PLPPR5: variants seen among roughly 807,000 people sequenced by gnomAD.
PLPPR5 encodes phospholipid phosphatase related 5.
PLPPR5 carries 16 observed loss-of-function variants against 33.9 expected under a neutral mutation model. The ratio of observed to expected loss-of-function variants is 0.47; its 90% confidence interval spans 0.32 to 0.72. The LOEUF is 0.72. PLPPR5 is among the 30% of genes least tolerant of loss of function. PLPPR5 has a pLI of 0.03. For synonymous variants in PLPPR5, 163 were observed against 150.3 expected, an observed-to-expected ratio of 1.08 and a Z score of -0.62; for missense variants, 301 against 406.7, an observed-to-expected ratio of 0.74 and a Z score of 2.23.
chr1:98,931,263 T>C (rs1384070079), intron 3 of PLPPR5, among the ~76,000 whole-genome samples: 2 of 151,784 alleles, frequency 1.3e-5, no homozygotes, highest in Non-Finnish European at 1.5e-5. Flanking sequence ...GCGCCTGGTA[T>C]GGTTCTTGGC....
intron 1 of PLPPR5, among the ~76,000 whole-genome samples, chr1:98,976,779 T>G (rs1413682704): frequency 6.6e-6 from 1 of 152,054 alleles, no homozygotes; most frequent in Non-Finnish European, 1.5e-5. Flanking sequence ...ATATATAGAG[T>G]TAGTAAAATA....
chr1:98,944,410 C>T (rs536804310), intron 3 of PLPPR5, among the ~76,000 whole-genome samples: 2 of 152,266 alleles, frequency 1.3e-5, no homozygotes, highest in African/African-American at 2.4e-5. Flanking sequence ...GATCCTAACT[C>T]GCAAAGTGAT....
intron 1 of PLPPR5, among the ~76,000 whole-genome samples, chr1:98,960,157 T>TC (rs1651178993): frequency 6.6e-6 from 1 of 151,836 alleles, no homozygotes; most frequent in Admixed American, 6.6e-5. Flanking sequence ...CCACCCAACT[T>TC]CCTGAGTTAA....
chr1:98,928,424 C>T (rs1390384550), intron 3 of PLPPR5, among the ~76,000 whole-genome samples: 1 of 150,758 alleles, frequency 6.6e-6, no homozygotes, highest in Non-Finnish European at 1.5e-5. Context: ...TGCAAACTAT[C>T]TTATTACTAA....
chr1:98,970,482 T>G (rs1052516322), intron 1 of PLPPR5, among the ~76,000 whole-genome samples: 2 of 151,942 alleles, frequency 1.3e-5, no homozygotes, highest in Non-Finnish European at 2.9e-5. Flanking sequence ...CAGATTATTA[T>G]TCCAAATGCC....
chr1:98,906,005 G>C (rs902014840), intron 5 of PLPPR5, among the ~76,000 whole-genome samples: 1 of 152,052 alleles, frequency 6.6e-6, no homozygotes, highest in African/African-American at 2.4e-5. Context: ...ACAAGTCTGA[G>C]ACCAGCATGC....
chr1:98,950,888 T>A (rs1254960394), intron 3 of PLPPR5, among the ~76,000 whole-genome samples: 1 of 152,026 alleles, frequency 6.6e-6, no homozygotes, highest in South Asian at 2.1e-4. Flanking sequence ...TCTCTCTTTT[T>A]TGTAAAGATG....
At chr1:98,990,513 A>C (rs956642349) in intron 1 of PLPPR5, among the ~76,000 whole-genome samples, 38 of 152,200 alleles carry the variant, frequency 2.5e-4, no homozygotes, top group African/African-American at 8.7e-4. Flanking sequence ...TAGTAATTAC[A>C]GAGGCAAAAT....
At chr1:98,946,470 C>T (rs1241044278) in intron 3 of PLPPR5, among the ~76,000 whole-genome samples, 1 of 152,178 alleles carries the variant, frequency 6.6e-6, no homozygotes, top group Admixed American at 6.5e-5. Context: ...TCCAAATGTA[C>T]ACCCTCGTGC....
chr1:98,951,069 G>A (rs111380287), intron 3 of PLPPR5, among the ~76,000 whole-genome samples: 1,969 of 152,162 alleles, frequency 0.013, 14 homozygotes, highest in Admixed American at 0.016. Context: ...GAGCATTCTG[G>A]AATTTGTCTC....
intron 1 of PLPPR5, among the ~76,000 whole-genome samples, chr1:98,969,996 T>C (rs2101246156): frequency 6.6e-6 from 1 of 152,176 alleles, no homozygotes; most frequent in South Asian, 2.1e-4. Context: ...AAATTCATCA[T>C]ACAGATCATT....
intron 1 of PLPPR5, among the ~76,000 whole-genome samples, chr1:98,992,671 C>A (rs1272769618): frequency 6.6e-6 from 1 of 152,052 alleles, no homozygotes; most frequent in Non-Finnish European, 1.5e-5. Flanking sequence ...TGCTCTTTTT[C>A]CCTGTCTTTT....
chr1:98,913,967 A>G lies in PLPPR5; in HGVS notation c.933+819T>C, dbSNP rs148026191. ...CTACCCTCTGGCTGCATTCAGCCCA[A>G]TGGAGTCTCAGAATCTCCCTGATTA... On this transcript the variant is annotated intron_variant, in intron 5 of 5. Transcript: ENST00000263177. Among the ~76,000 whole-genome samples, 242 of 152,306 alleles carry G rather than the reference A, an allele frequency of 1.6e-3. 1 individual carries two copies. Among genetic ancestry groups the G allele is most frequent in the African/African-American group, 5.5e-3 (229 of 41,574 alleles).
rs116710971 is a variant in PLPPR5, at chr1:98,899,084, T to C, written c.934-5980A>G. Among the ~76,000 whole-genome samples, 622 of 152,204 alleles carry C rather than the reference T, an allele frequency of 4.1e-3. 7 individuals carry two copies. Among genetic ancestry groups the C allele is most frequent in the African/African-American group, 0.014 (586 of 41,546 alleles). Reference sequence around the variant, plus strand: ...GAATCACCCAGGATCTTTAAGAAAATACTGATGCAACCCCAGAGACCAGGA... The same window carrying C: ...GAATCACCCAGGATCTTTAAGAAAACACTGATGCAACCCCAGAGACCAGGA... On this transcript the variant is annotated intron_variant, in intron 5 of 5. Transcript: ENST00000263177.
At chr1:98,921,771 T>C (rs1570699337) in intron 4 of PLPPR5, 111 bp downstream of exon 4, 1 of 801,814 alleles carries the variant, frequency 1.2e-6, no homozygotes, top group East Asian at 2.6e-5. Flanking sequence ...ATGAATGATT[T>C]GTTTGATATA....
chr1:98,989,142 A>G (rs2100758926), intron 1 of PLPPR5, among the ~76,000 whole-genome samples: 1 of 152,244 alleles, frequency 6.6e-6, no homozygotes, highest in East Asian at 1.9e-4. Context: ...GAAGCACTGT[A>G]GGAACTCAGT....
At chr1:98,996,452 T>C (rs950184636) in intron 1 of PLPPR5, among the ~76,000 whole-genome samples, 1 of 152,118 alleles carries the variant, frequency 6.6e-6, no homozygotes, top group Non-Finnish European at 1.5e-5. Context: ...ATTCTTAAAC[T>C]ACATCTGTCA....
chr1:98,992,682 G>T (rs972573919), intron 1 of PLPPR5, among the ~76,000 whole-genome samples: 2 of 152,002 alleles, frequency 1.3e-5, no homozygotes, highest in African/African-American at 4.8e-5. Context: ...CCTGTCTTTT[G>T]CTACCTCTTC....
At chr1:98,995,117 CAG>C (rs1302689688) in intron 1 of PLPPR5, among the ~76,000 whole-genome samples, 2 of 152,084 alleles carry the variant, frequency 1.3e-5, no homozygotes, top group African/African-American at 4.8e-5. Context: ...GAACTTAAAA[CAG>C]AATTGTCATT....
Sources: allele counts gnomAD v4.1 joint callset (sites outside exome capture counted in the v4.1 genomes callset), GRCh38; gene constraint gnomAD v4.1.1; transcripts MANE v1.5; gene names NCBI Gene and HGNC (gene_info 2026-07-23, HGNC 2026-07-21).